Variants in DHRS3 observed in about 807,000 individuals in gnomAD.
DHRS3 encodes short-chain dehydrogenase/reductase 3.
In DHRS3, 14 loss-of-function variants were observed where a neutral mutation model predicts 27.2. That is an observed-to-expected ratio of 0.52 (90% CI 0.34 to 0.81). The LOEUF (loss-of-function observed/expected upper bound fraction) is 0.81, where lower values mean the gene tolerates loss of function less well. DHRS3 is among the 30% of genes least tolerant of loss of function. The pLI is 0.01. For missense variants in DHRS3, 322 were observed against 406.2 expected (o/e 0.79, Z 1.78); for synonymous variants, 165 against 175.9 (o/e 0.94, Z 0.49).
intron 1 of DHRS3, among the ~76,000 whole-genome samples, chr1:12,590,366 A>G (rs1646735242): frequency 6.6e-6 from 1 of 152,180 alleles, no homozygotes; most frequent in Non-Finnish European, 1.5e-5. Context: ...ACTGGAGTGC[A>G]GTGGCGTGAT....
At position 12,568,653 on chromosome 1, in the gene DHRS3, C is replaced by T. The variant is rs544900109; in HGVS notation, c.825-229G>A. On this transcript the variant is annotated intron_variant, in intron 5 of 5. Coordinates refer to ENST00000616661, the MANE Select transcript of DHRS3 (RefSeq NM_004753.7). ...TAAAAGGGCAGGGGGAGGCTGGGCG[C>T]GGTGGCTCATGTCTATAATCCAAGT... is the stretch of plus-strand genomic sequence containing the variant. Among the ~76,000 whole-genome samples, 471 of 152,192 alleles carry T rather than the reference C, an allele frequency of 3.1e-3. 1 individual carries two copies. Among genetic ancestry groups the T allele is most frequent in the Middle Eastern group, 0.024 (7 of 294 alleles).
chr1:12,617,398 A>G lies in DHRS3; in HGVS notation c.-50T>C, dbSNP rs1427036535. The stretch of plus-strand genomic sequence containing the variant: ...GGGGCGAAACTCCCCGGGCCGAGCA[A>G]TACAGGAATTAAAAAACACCCCGAA... On this transcript the variant is annotated 5_prime_UTR_variant, in exon 1 of 6. Coordinates refer to ENST00000616661, the MANE Select transcript of DHRS3 (RefSeq NM_004753.7). The G allele has an allele frequency of 6.5e-7, 1 of 1,548,448 alleles. No individual in the cohort carries two copies. Among genetic ancestry groups the G allele is most frequent in the African/African-American group, 1.4e-5 (1 of 72,520 alleles).
intron 1 of DHRS3, among the ~76,000 whole-genome samples, chr1:12,601,521 A>T (rs980236084): frequency 1.3e-4 from 20 of 152,170 alleles, no homozygotes; most frequent in African/African-American, 4.8e-4. Flanking sequence ...CCCTGGAGAC[A>T]TGCCCAAAGT....
chr1:12,582,946 A>G (rs1646657447), intron 1 of DHRS3, among the ~76,000 whole-genome samples: 1 of 146,270 alleles, frequency 6.8e-6, no homozygotes, highest in South Asian at 2.2e-4. Context: ...CACTCCATCC[A>G]TCCATCCACT....
chr1:12,587,608 G>A (rs1646708492), intron 1 of DHRS3, among the ~76,000 whole-genome samples: 1 of 152,128 alleles, frequency 6.6e-6, no homozygotes, highest in Non-Finnish European at 1.5e-5. Context: ...TTAGGAGGCT[G>A]AGGTGGGAGG....
At chr1:12,603,870 C>G (rs552529337) in intron 1 of DHRS3, among the ~76,000 whole-genome samples, 2 of 152,346 alleles carry the variant, frequency 1.3e-5, no homozygotes, top group East Asian at 1.9e-4. Flanking sequence ...CACATCTGTA[C>G]TCTCCACCCT....
rs528496065 is a variant in DHRS3 at position 12,591,774 on chromosome 1, T to A, written c.196-11108A>T. Among the ~76,000 whole-genome samples the A allele has an allele frequency of 3.2e-4, 48 of 152,348 alleles. No individual in the cohort carries two copies. The highest frequency in any genetic ancestry group is 1.1e-3 in the African/African-American group (47 of 41,586). ...AATCTGTGCCCTTGGCCACTGACTT[T>A]ACCTGCGGGAGCAAAATGACCCCAC... On this transcript the variant is annotated intron_variant, in intron 1 of 5. Transcript: ENST00000616661. The surrounding 1 kb of genome is among the most constrained non-coding windows in gnomAD (Gnocchi z 4.1).
Position 12,580,576 on chromosome 1 carries a change from C to G in DHRS3, c.286G>C (p.Asp96His). ...MGTECHYFIC[D>H]VGNREEVYQT... ...TACACCTCCTCCCGGTTGCCCACAT[C>G]ACAGATGAAGTAATGGCACTCAGTG... is the stretch of plus-strand genomic sequence containing the variant. The change falls in exon 2 of 6, where the codon GAT (aspartate) becomes CAT (histidine). Residue 96 changes from aspartate (D) to histidine (H), a missense_variant. By Grantham distance (81) the Asp-to-His change is moderately conservative. Coordinates refer to ENST00000616661, the MANE Select transcript of DHRS3 (RefSeq NM_004753.7). 1 of 1,614,206 alleles carries G rather than the reference C, an allele frequency of 6.2e-7. No individual in the cohort carries two copies. The highest frequency in any genetic ancestry group is 1.3e-5 in the African/African-American group (1 of 75,068).
At chr1:12,604,611 C>A (rs941514540) in intron 1 of DHRS3, among the ~76,000 whole-genome samples, 1 of 152,224 alleles carries the variant, frequency 6.6e-6, no homozygotes, top group African/African-American at 2.4e-5. Flanking sequence ...CTTGACCTCT[C>A]CATGACCCTG....
rs1646757203 is a variant in DHRS3, at chr1:12,592,784, G to A, written c.196-12118C>T. ...AGGCTCCCGAGGCTGGGAAGTGACG[G>A]AGGCTGCTTCCCCTCCACACCACTC... On this transcript the variant is annotated intron_variant, in intron 1 of 5. Coordinates refer to ENST00000616661, the MANE Select transcript of DHRS3 (RefSeq NM_004753.7). This position sits in a 1 kb window ranked among gnomAD's most constrained non-coding sequence, Gnocchi z 4.2. Among the ~76,000 whole-genome samples, 4 of 152,232 alleles carry A rather than the reference G, an allele frequency of 2.6e-5. No individual in the cohort carries two copies. Among genetic ancestry groups the A allele is most frequent in the Admixed American group, 2.0e-4 (3 of 15,282 alleles).
In DHRS3 at chr1:12,591,390, C is replaced by A. The variant is rs926095853; in HGVS notation, c.196-10724G>T. ...GCTCCAGGCCCCTGTTTTGGCCTGC[C>A]GAGAATGTTTTGGCTACCGCTGGCT... On this transcript the variant is annotated intron_variant, in intron 1 of 5. Coordinates refer to ENST00000616661, the MANE Select transcript of DHRS3 (RefSeq NM_004753.7). The surrounding 1 kb of genome is among the most constrained non-coding windows in gnomAD (Gnocchi z 4.1). Among the ~76,000 whole-genome samples, 1 of 152,194 alleles carries A rather than the reference C, an allele frequency of 6.6e-6. No homozygotes were observed. Among genetic ancestry groups the A allele is most frequent in the Non-Finnish European group, 1.5e-5 (1 of 68,040 alleles).
At chr1:12,573,967 G>A (rs983376723) in intron 4 of DHRS3, among the ~76,000 whole-genome samples, 5 of 152,124 alleles carry the variant, frequency 3.3e-5, no homozygotes, top group Admixed American at 2.6e-4. Flanking sequence ...CAGGGCTCAT[G>A]TTGCTGGCTC....
rs1245442905 is a variant in DHRS3 at position 12,609,265 on chromosome 1, A to C, written c.195+7889T>G. The stretch of plus-strand genomic sequence containing the variant: ...GCATCTCCAAGGCCTAGTTTGCTGA[A>C]TCAATGAACAGAGCCAACATAGTCA... On this transcript the variant is annotated intron_variant, in intron 1 of 5. Coordinates refer to ENST00000616661, the MANE Select transcript of DHRS3 (RefSeq NM_004753.7). Among the ~76,000 whole-genome samples, 3 of 152,140 alleles carry C rather than the reference A, an allele frequency of 2.0e-5. No individual in the cohort carries two copies. The East Asian group carries it at 5.8e-4, about 29-fold the overall frequency.
rs1290182790 is a variant in DHRS3, at chr1:12,615,699, G to A, written c.195+1455C>T. Among the ~76,000 whole-genome samples the A allele has an allele frequency of 5.3e-5, 8 of 152,064 alleles. No individual in the cohort carries two copies. In the South Asian group the frequency reaches 6.2e-4, roughly 12 times the overall value. ...TGCAATTGTCCCAAACCCCACGTCC[G>A]CCCCAAAGGACACCCTCATCTGCCC... On this transcript the variant is annotated intron_variant, in intron 1 of 5. Coordinates refer to ENST00000616661, the MANE Select transcript of DHRS3 (RefSeq NM_004753.7).
chr1:12,598,861 C>T (rs1483264601), intron 1 of DHRS3, among the ~76,000 whole-genome samples: 5 of 152,152 alleles, frequency 3.3e-5, no homozygotes, highest in African/African-American at 1.2e-4. Flanking sequence ...AACCGGTTGG[C>T]GGTACCCCTC....
rs1021425260 is a variant in DHRS3 at position 12,591,267 on chromosome 1, G to C, written c.196-10601C>G. On this transcript the variant is annotated intron_variant, in intron 1 of 5. Transcript: ENST00000616661. This position sits in a 1 kb window ranked among gnomAD's most constrained non-coding sequence, Gnocchi z 4.1. ...AGCCACTGGGCCTGTCAGGGACTTC[G>C]GCTAGGTCCTTATGTGTCCTTCCTG... 2.0e-5 allele frequency among the ~76,000 whole-genome samples: 3 copies of C among 152,228 alleles called. No individual in the cohort carries two copies. Among genetic ancestry groups the C allele is most frequent in the African/African-American group, 7.2e-5 (3 of 41,458 alleles).
At chr1:12,577,354 A>AC (rs760286107) in intron 4 of DHRS3, among the ~76,000 whole-genome samples, 8 of 152,114 alleles carry the variant, frequency 5.3e-5, no homozygotes, top group Non-Finnish European at 7.4e-5. Flanking sequence ...ACATTCGCGC[A>AC]CCCCATCTTG....
Position 12,597,974 on chromosome 1 carries a change from C to T in DHRS3, c.196-17308G>A, listed in dbSNP as rs1281224179. ...CCAACAGGAACACCCAGTGGGACCTCGTGCCAAGTCACAAGCCTTCCACGC... is the reference window on the plus strand; with the variant it reads ...CCAACAGGAACACCCAGTGGGACCTTGTGCCAAGTCACAAGCCTTCCACGC... On this transcript the variant is annotated intron_variant, in intron 1 of 5. Coordinates refer to ENST00000616661, the MANE Select transcript of DHRS3 (RefSeq NM_004753.7). 5.3e-5 allele frequency among the ~76,000 whole-genome samples: 8 copies of T among 152,176 alleles called. No individual in the cohort carries two copies. The East Asian group carries it at 7.7e-4, about 15-fold the overall frequency.
At position 12,578,692 on chromosome 1, in the gene DHRS3, T is replaced by C. The variant is rs2100656659; in HGVS notation, c.698+26A>G. ...GGGGAGGCAGGTGAGAAGGCTGGTC[T>C]CAAGGTGGGTCCCCTGCTCACTGAC... On this transcript the variant is annotated intron_variant, in intron 4 of 5. Coordinates refer to ENST00000616661, the MANE Select transcript of DHRS3 (RefSeq NM_004753.7). This position sits in a 1 kb window ranked among gnomAD's most constrained non-coding sequence, Gnocchi z 4.5. The C allele has an allele frequency of 6.3e-7, 1 of 1,596,868 alleles. No individual in the cohort carries two copies. Among genetic ancestry groups the C allele is most frequent in the Non-Finnish European group, 8.6e-7 (1 of 1,165,210 alleles).
Sources: gnomAD v4.1 joint callset for allele counts (sites outside exome capture counted in the v4.1 genomes callset) on GRCh38, gnomAD v4.1.1 for gene constraint, Gnocchi (gnomAD v3.1) non-coding constraint, MANE v1.5 for transcripts, NCBI Gene and HGNC (gene_info 2026-07-23, HGNC 2026-07-21) for gene names.